Variants in ARHGEF10L observed in about 807,000 individuals in gnomAD.
ARHGEF10L encodes rho guanine nucleotide exchange factor 10-like protein.
ARHGEF10L carries 69 observed loss-of-function variants against 141.2 expected under a neutral mutation model. That is an observed-to-expected ratio of 0.49 (90% CI 0.40 to 0.60). The LOEUF (loss-of-function observed/expected upper bound fraction) is 0.60, where lower values mean the gene tolerates loss of function less well. Among genes scored for constraint, ARHGEF10L ranks in the 20% least tolerant of loss-of-function variants. The pLI is 0.00. For synonymous variants in ARHGEF10L, 711 were observed against 718.5 expected (o/e 0.99, Z 0.17); for missense variants, 1,482 against 1,734.3 (o/e 0.85, Z 2.58).
intron 7 of ARHGEF10L, 31 bp downstream of exon 7, chr1:17,608,008 G>T (rs2081335474): frequency 1.7e-6 from 2 of 1,177,556 alleles, no homozygotes; most frequent in Non-Finnish European, 2.2e-6. Context: ...GCTCACCTCA[G>T]TCAGGGCACG....
At chr1:17,561,917 C>T (rs2077560579) in intron 1 of ARHGEF10L, among the ~76,000 whole-genome samples, 2 of 152,282 alleles carry the variant, frequency 1.3e-5, no homozygotes, top group Non-Finnish European at 2.9e-5. Context: ...CAAGGGAGGC[C>T]GAGCAAAGGC....
At chr1:17,661,192 C>T (rs1332152733) in intron 25 of ARHGEF10L, among the ~76,000 whole-genome samples, 1 of 152,122 alleles carries the variant, frequency 6.6e-6, no homozygotes, top group Non-Finnish European at 1.5e-5. Context: ...ATTCTCCTGC[C>T]TCAGCCTCCC....
chr1:17,663,567 A>C lies in ARHGEF10L; in HGVS notation c.2861-880A>C, dbSNP rs574532909. Among the ~76,000 whole-genome samples, 540 of 151,688 alleles carry C rather than the reference A, an allele frequency of 3.6e-3. 1 individual carries two copies. Among genetic ancestry groups the C allele is most frequent in the Middle Eastern group, 0.01 (3 of 292 alleles). ...AGATTCTGTCTCAAAGAAAAAAAAA[A>C]AAACAAAAAAAAACCACCCTCCACC... On this transcript the variant is annotated intron_variant, in intron 25 of 28. Coordinates refer to ENST00000361221, the MANE Select transcript of ARHGEF10L (RefSeq NM_018125.4).
chr1:17,680,759 T>C (rs1210869825), intron 26 of ARHGEF10L, among the ~76,000 whole-genome samples: 49 of 151,414 alleles, frequency 3.2e-4, no homozygotes, highest in African/African-American at 1.1e-3. Context: ...TTTTTTTTTT[T>C]TAAATTACTT....
intron 15 of ARHGEF10L, among the ~76,000 whole-genome samples, chr1:17,630,918 T>C (rs907741411): frequency 7.2e-6 from 1 of 138,176 alleles, no homozygotes; most frequent in Non-Finnish European, 1.6e-5. Flanking sequence ...TGCCTGGGGG[T>C]GATCTGTGTT....
intron 26 of ARHGEF10L, among the ~76,000 whole-genome samples, chr1:17,680,877 G>C (rs767832166): frequency 6.6e-6 from 1 of 150,426 alleles, no homozygotes; most frequent in Admixed American, 6.6e-5. Context: ...TCTGCCTCCC[G>C]GGTTCAAGCG....
At chr1:17,568,753 G>A (rs2100315689) in intron 1 of ARHGEF10L, among the ~76,000 whole-genome samples, 1 of 152,350 alleles carries the variant, frequency 6.6e-6, no homozygotes, top group South Asian at 2.1e-4. Context: ...TTCAGCTCTT[G>A]TTAAAGCTGA....
chr1:17,606,406 G>A (rs1283770234), intron 6 of ARHGEF10L, among the ~76,000 whole-genome samples: 1 of 151,336 alleles, frequency 6.6e-6, no homozygotes, highest in Non-Finnish European at 1.5e-5. Flanking sequence ...CAATTCTCCT[G>A]CCTCAGCCTC....
chr1:17,692,396 A>T (rs528246394), intron 27 of ARHGEF10L, among the ~76,000 whole-genome samples: 1 of 152,224 alleles, frequency 6.6e-6, no homozygotes, highest in East Asian at 1.9e-4. Context: ...CAGACCACAC[A>T]TCCAACCAGG....
At chr1:17,618,356 G>A in intron 9 of ARHGEF10L, 2 of 1,539,644 alleles carry the variant, frequency 1.3e-6, no homozygotes, top group Non-Finnish European at 8.8e-7. Flanking sequence ...GGCCAAGAAT[G>A]TTACCCAGCA....
In ARHGEF10L at chr1:17,654,283, C is replaced by T. The variant is rs528998276; in HGVS notation, c.2395-353C>T. Among the ~76,000 whole-genome samples, 1 of 152,290 alleles carries T rather than the reference C, an allele frequency of 6.6e-6. No homozygotes were observed. The highest frequency in any genetic ancestry group is 2.1e-4 in the South Asian group (1 of 4,828). Reference sequence around the variant, plus strand: ...CCCTGCCACTCACCTCCTCTGTGGTCTAGGGTAGTCACCTGCCCTCTGTGA... The same window carrying T: ...CCCTGCCACTCACCTCCTCTGTGGTTTAGGGTAGTCACCTGCCCTCTGTGA... On this transcript the variant is annotated intron_variant, in intron 22 of 28. Coordinates refer to ENST00000361221, the MANE Select transcript of ARHGEF10L (RefSeq NM_018125.4). The surrounding 1 kb of genome is among the most constrained non-coding windows in gnomAD (Gnocchi z 4.3).
At chr1:17,690,572 C>T (rs2065029138) in intron 27 of ARHGEF10L, among the ~76,000 whole-genome samples, 1 of 152,260 alleles carries the variant, frequency 6.6e-6, no homozygotes, top group Admixed American at 6.5e-5. Flanking sequence ...ACAGAGGTGA[C>T]CGCTCTTTTG....
chr1:17,690,933 TC>T lies in ARHGEF10L; in HGVS notation c.3184+3191del, dbSNP rs2065056656. Among the ~76,000 whole-genome samples, 6 of 152,296 alleles carry T rather than the reference TC, an allele frequency of 3.9e-5. 1 individual carries two copies. The South Asian group carries it at 1.2e-3, about 32-fold the overall frequency. On this transcript the variant is annotated intron_variant, in intron 27 of 28. Transcript: ENST00000361221. ...AAAAGGCTTTTAAGTATTTTTTTCT[TC>T]CCCCACACCAGCAAATGAAATAATT...
Position 17,621,870 on chromosome 1 carries a change from C to T in ARHGEF10L, c.949C>T (p.Arg317Trp), listed in dbSNP as rs1465907118. Reference protein sequence around the residue: ...PEGLSPQQVVRRHILGSIVQS... With the variant: ...PEGLSPQQVVWRHILGSIVQS... ...TGCTTTTTGGCCCGAGCAGGTGGTC[C>T]GGAGGCATATCCTGGGCTCCATCGT... is the stretch of plus-strand genomic sequence containing the variant. Residue 317 changes from arginine (R) to tryptophan (W), a missense_variant, in exon 11 of 29, where the codon CGG becomes TGG. By Grantham distance (101) the Arg-to-Trp change is moderately radical. Around this residue, in one of 3 missense-constraint regions of ARHGEF10L, gnomAD observed 392 missense variants for 542.1 expected, o/e 0.72. Coordinates refer to ENST00000361221, the MANE Select transcript of ARHGEF10L (RefSeq NM_018125.4). This position sits in a 1 kb window ranked among gnomAD's most constrained non-coding sequence, Gnocchi z 4.1. 5.0e-6 allele frequency: 8 copies of T among 1,613,936 alleles called. No individual in the cohort carries two copies. The highest frequency in any genetic ancestry group is 1.7e-5 in the Admixed American group (1 of 59,994).
At chr1:17,635,975 T>G (rs570232515) in intron 18 of ARHGEF10L, among the ~76,000 whole-genome samples, 1 of 152,280 alleles carries the variant, frequency 6.6e-6, no homozygotes, top group East Asian at 1.9e-4. Flanking sequence ...CACCACCTAC[T>G]CTTGCCGTCT....
At chr1:17,565,700 A>C (rs1397189353) in intron 1 of ARHGEF10L, among the ~76,000 whole-genome samples, 1 of 152,200 alleles carries the variant, frequency 6.6e-6, no homozygotes, top group East Asian at 1.9e-4. Flanking sequence ...GCTCCGGGAC[A>C]CAGGGCAGGA....
chr1:17,648,420 T>A (rs1385601175), intron 21 of ARHGEF10L, 134 bp from the exon 22 acceptor site: 6 of 1,100,658 alleles, frequency 5.5e-6, no homozygotes, highest in Non-Finnish European at 7.7e-6. Context: ...CCGGCAGGAG[T>A]AGGGTGGGGA....
chr1:17,564,790 A>G (rs146957512), intron 1 of ARHGEF10L, among the ~76,000 whole-genome samples: 29 of 152,338 alleles, frequency 1.9e-4, no homozygotes, highest in Admixed American at 5.9e-4. Context: ...CTGGGCCCTT[A>G]GCACGCAGTT....
chr1:17,578,669 G>A (rs566786808), intron 1 of ARHGEF10L, among the ~76,000 whole-genome samples: 1 of 152,154 alleles, frequency 6.6e-6, no homozygotes, highest in African/African-American at 2.4e-5. Flanking sequence ...CTGGGAAATC[G>A]AGACCAAAGC....
Sources: gnomAD v4.1 joint callset for allele counts (sites outside exome capture counted in the v4.1 genomes callset) on GRCh38, gnomAD v4.1.1 for gene constraint, gnomAD v4.1.1 regional missense constraint, Gnocchi (gnomAD v3.1) non-coding constraint, MANE v1.5 for transcripts, NCBI Gene and HGNC (gene_info 2026-07-23, HGNC 2026-07-21) for gene names.